Variants in NCOA1 observed in about 807,000 individuals in gnomAD.
NCOA1 encodes Hin-2 protein.
NCOA1 carries 35 observed loss-of-function variants against 150.9 expected under a neutral mutation model. The observed-to-expected ratio is 0.23, with a 90% CI of 0.18 to 0.31. The LOEUF (loss-of-function observed/expected upper bound fraction) is 0.31, where lower values mean the gene tolerates loss of function less well. Among genes scored for constraint, NCOA1 ranks in the 10% least tolerant of loss-of-function variants. The probability of loss-of-function intolerance (pLI) is 1.00; values close to 1 mark genes in which losing one functional copy is unlikely to be tolerated. For missense variants in NCOA1, 1,491 were observed against 1,749.3 expected, an observed-to-expected ratio of 0.85 and a Z score of 2.63; for synonymous variants, 590 against 630.0, an observed-to-expected ratio of 0.94 and a Z score of 0.95.
intron 3 of NCOA1, among the ~76,000 whole-genome samples, chr2:24,626,587 T>C (rs1669422393): frequency 6.6e-6 from 1 of 152,130 alleles, no homozygotes; most frequent in Non-Finnish European, 1.5e-5. Context: ...AATAGTGACT[T>C]TAAGTGGTAG....
intron 22 of NCOA1, 122 bp downstream of exon 22, chr2:24,762,898 C>A: frequency 1.2e-6 from 1 of 810,374 alleles, no homozygotes; most frequent in Non-Finnish European, 2.1e-6. Context: ...CCTGGCTCTG[C>A]TCTTCTTAGC....
intron 1 of NCOA1, among the ~76,000 whole-genome samples, chr2:24,536,484 C>T (rs544632545): frequency 6.6e-6 from 1 of 152,330 alleles, no homozygotes; most frequent in South Asian, 2.1e-4. Flanking sequence ...CCATCCAGCT[C>T]TGTTCCGTTC....
At chr2:24,683,194 TA>T (rs1376142609) in intron 8 of NCOA1, 66 bp downstream of exon 8, 1 of 891,942 alleles carries the variant, frequency 1.1e-6, no homozygotes, top group African/African-American at 1.7e-5. Flanking sequence ...ATAATATGTA[TA>T]ATATGTGATT....
At chr2:24,539,151 TG>T (rs113777696) in intron 1 of NCOA1, among the ~76,000 whole-genome samples, 36,163 of 151,912 alleles carry the variant, frequency 0.24, 4,534 homozygotes, top group East Asian at 0.31. Flanking sequence ...ATTTAAGAGA[TG>T]GGGGTCTCAC....
intron 3 of NCOA1, among the ~76,000 whole-genome samples, chr2:24,589,304 G>A (rs572894750): frequency 1.3e-5 from 2 of 152,230 alleles, no homozygotes; most frequent in South Asian, 4.2e-4. Context: ...ATCTTTCCTG[G>A]TGTCACAGAT....
chr2:24,643,087 T>TA (rs560263649), intron 3 of NCOA1, among the ~76,000 whole-genome samples: 1 of 152,162 alleles, frequency 6.6e-6, no homozygotes, highest in African/African-American at 2.4e-5. Context: ...CATAGAATTG[T>TA]AAAAAAGACA....
rs376393821 is a variant in NCOA1, at chr2:24,691,542, G to A, written c.594G>A (p.Arg198=). The A allele has an allele frequency of 6.2e-6, 10 of 1,614,030 alleles. No homozygotes were observed. The highest frequency in any genetic ancestry group is 1.7e-5 in the Admixed American group (1 of 59,996). Residue 198 remains arginine, a synonymous_variant, in exon 9 of 23, where the codon AGG becomes AGA. Transcript: ENST00000348332. ...TRRNSHTFNC[R]MLIHPPDEPG... The stretch of plus-strand genomic sequence containing the variant: ...GAAATAGCCATACCTTTAACTGCAG[G>A]ATGCTAATTCACCCTCCAGATGAGC...
Position 24,666,205 on chromosome 2 carries a change from G to A in NCOA1, c.256+290G>A, listed in dbSNP as rs915420844. Among the ~76,000 whole-genome samples the A allele has an allele frequency of 4.0e-5, 6 of 151,604 alleles. No homozygotes were observed. In the East Asian group the frequency reaches 7.7e-4, roughly 20 times the overall value. On this transcript the variant is annotated intron_variant, in intron 6 of 22. Transcript: ENST00000348332. Reference sequence around the variant, plus strand: ...CTTTTTGTATTTTTTTAGTAGAGACGGGGTTTCACCATGTTAGCCAGGATG... The same window carrying A: ...CTTTTTGTATTTTTTTAGTAGAGACAGGGTTTCACCATGTTAGCCAGGATG...
Position 24,707,598 on chromosome 2 carries a change from G to A in NCOA1, c.2128G>A (p.Asp710Asn). Residue 710 changes from aspartate to asparagine, a missense_variant, in exon 13 of 23, where the codon GAT becomes AAT. By Grantham distance (23) the Asp-to-Asn change is conservative. Around this residue, in one of 8 missense-constraint regions of NCOA1, gnomAD observed 703 missense variants for 717.7 expected, o/e 0.98. Coordinates refer to ENST00000348332, the MANE Select transcript of NCOA1 (RefSeq NM_003743.5). ...TATCACCACTTTGTCTGTCGAGCCT[G>A]ATAAAAAGGACAGTGCATCTACTTC... ...SDITTLSVEP[D>N]KKDSASTSVS... is the part of the protein sequence containing the mutation. 1 of 1,614,182 alleles carries A rather than the reference G, an allele frequency of 6.2e-7. No homozygotes were observed. Among genetic ancestry groups the A allele is most frequent in the Non-Finnish European group, 8.5e-7 (1 of 1,180,024 alleles).
intron 14 of NCOA1, among the ~76,000 whole-genome samples, chr2:24,713,655 A>G (rs532993096): frequency 2.1e-4 from 32 of 152,348 alleles, no homozygotes; most frequent in African/African-American, 7.5e-4. Context: ...TTGTAAGCCA[A>G]TAGATAATAG....
intron 22 of NCOA1, chr2:24,767,998 A>G: frequency 7.0e-7 from 1 of 1,433,368 alleles, no homozygotes; most frequent in Non-Finnish European, 9.8e-7. Flanking sequence ...AGGCGTGACC[A>G]TTCCAATTTT....
chr2:24,730,871 C>CAAAAA (rs35975198), intron 17 of NCOA1, among the ~76,000 whole-genome samples: 16 of 61,876 alleles, frequency 2.6e-4, no homozygotes, highest in Non-Finnish European at 3.7e-4. Flanking sequence ...ACTAAAAGTA[C>CAAAAA]AAAAAAAAAA....
intron 1 of NCOA1, among the ~76,000 whole-genome samples, chr2:24,542,002 A>G (rs1001384571): frequency 3.3e-5 from 5 of 152,224 alleles, no homozygotes; most frequent in African/African-American, 1.2e-4. Context: ...TTGAACTAAA[A>G]TTAATAATAA....
chr2:24,759,166 A>G (rs568005823), intron 21 of NCOA1, among the ~76,000 whole-genome samples: 104 of 152,350 alleles, frequency 6.8e-4, no homozygotes, highest in African/African-American at 2.3e-3. Context: ...GAAAGACACA[A>G]CATGAACAAA....
chr2:24,722,379 C>A (rs753916959), intron 14 of NCOA1, among the ~76,000 whole-genome samples: 1 of 152,194 alleles, frequency 6.6e-6, no homozygotes, highest in Non-Finnish European at 1.5e-5. Context: ...ACCTTCAAAA[C>A]CTTTGCTGTG....
intron 19 of NCOA1, among the ~76,000 whole-genome samples, chr2:24,748,616 CAA>C (rs60280796): frequency 0.04 from 4,144 of 103,776 alleles, 74 homozygotes; most frequent in Non-Finnish European, 0.049. Flanking sequence ...AACTCGGTCT[CAA>C]AAAAAAAAAA....
chr2:24,659,571 T>A (rs187667156), intron 5 of NCOA1, among the ~76,000 whole-genome samples: 13 of 152,204 alleles, frequency 8.5e-5, no homozygotes, highest in African/African-American at 3.1e-4. Context: ...TTGAAAAATA[T>A]GTTTTTCTGC....
At chr2:24,692,934 C>T (rs1023705883) in intron 9 of NCOA1, among the ~76,000 whole-genome samples, 2 of 152,212 alleles carry the variant, frequency 1.3e-5, no homozygotes, top group African/African-American at 4.8e-5. Flanking sequence ...GATCTCGGCT[C>T]ACTGCAAGCT....
chr2:24,708,027 A>C, intron 13 of NCOA1, 139 bp downstream of exon 13: 1 of 1,080,764 alleles, frequency 9.3e-7, no homozygotes, highest in Non-Finnish European at 1.3e-6. Flanking sequence ...GGTTAGTATC[A>C]ATAACTGATC....
Sources: allele counts gnomAD v4.1 joint callset (sites outside exome capture counted in the v4.1 genomes callset), GRCh38; gene constraint gnomAD v4.1.1; regional missense constraint gnomAD v4.1.1; transcripts MANE v1.5; gene names NCBI Gene and HGNC (gene_info 2026-07-23, HGNC 2026-07-21).